QRICH2: variants seen among roughly 807,000 people sequenced by gnomAD.
QRICH2 encodes glutamine-rich protein 2.
In QRICH2, 119 loss-of-function variants were observed where a neutral mutation model predicts 168.3. The ratio of observed to expected loss-of-function variants is 0.71; its 90% CI spans 0.61 to 0.82. The LOEUF is 0.82. QRICH2 is among the 40% of genes least tolerant of loss of function. QRICH2 has a pLI of 0.00. For synonymous variants in QRICH2, 894 were observed against 951.2 expected (o/e 0.94, Z 1.11); for missense variants, 2,241 against 2,491.6 (o/e 0.90, Z 2.14).
At position 76,287,013 on chromosome 17, in the gene QRICH2, G is replaced by A. The variant is rs370601199; in HGVS notation, c.4011+179C>T. Among the ~76,000 whole-genome samples the A allele has an allele frequency of 2.2e-4, 17 of 78,814 alleles. No individual in the cohort carries two copies. The East Asian group carries it at 4.6e-3, about 21-fold the overall frequency. The allele number at this position is 78,814 out of a possible 152,430, so 51.7% of individuals were successfully genotyped here. ...CTGGATCCTGGACACATTCGCCACCGCCCCCCCACCCCCTGCCCACACACC... is the reference window on the plus strand; with the variant it reads ...CTGGATCCTGGACACATTCGCCACCACCCCCCCACCCCCTGCCCACACACC... On this transcript the variant is annotated intron_variant, in intron 7 of 18. Coordinates refer to ENST00000680821, the MANE Select transcript of QRICH2 (RefSeq NM_001388453.1).
chr17:76,274,810 C>A (rs1016328270), intron 18 of QRICH2, among the ~76,000 whole-genome samples: 1 of 152,186 alleles, frequency 6.6e-6, no homozygotes, highest in Non-Finnish European at 1.5e-5. Context: ...GGCTGTGTGA[C>A]CTAGAGCAAG....
Position 76,292,058 on chromosome 17 carries a change from C to G in QRICH2, c.2669G>C (p.Gly890Ala). 6.2e-7 allele frequency: 1 copy of G among 1,614,114 alleles called. No homozygotes were observed. The highest frequency in any genetic ancestry group is 1.1e-5 in the South Asian group (1 of 91,082). ...CTGATCTGCACCAGGTTGGATCAAA[C>G]CACGCTGGTCCATTCCAGGTTGGAC... ...GLVQPGMDQR[G>A]LIQPGADQPG... The change falls in exon 4 of 19, where the codon GGT becomes GCT. Residue 890 changes from glycine to alanine, a missense_variant. This residue lies in a region of QRICH2 where 2,047 missense variants were observed against 2,303.8 expected (regional missense o/e 0.89). Transcript: ENST00000680821.
At chr17:76,310,684 G>A (rs1387598383), upstream of QRICH2, 2 of 151,648 alleles carry the variant, frequency 1.3e-5, no homozygotes, top group African/African-American at 2.4e-5. Flanking sequence ...TCCCAGGCTG[G>A]TCTGAAACTC....
Position 76,291,006 on chromosome 17 carries a change from G to A in QRICH2, c.3712+9C>T, listed in dbSNP as rs77693346. On this transcript the variant is annotated intron_variant, in intron 4 of 18. Transcript: ENST00000680821. Reference sequence around the variant, plus strand: ...AATGGTTTCTCCTCTATCGGCAAGCGGCACCCACCCATCTGTGCCAGCAGG... The same window carrying A: ...AATGGTTTCTCCTCTATCGGCAAGCAGCACCCACCCATCTGTGCCAGCAGG... The A allele has an allele frequency of 0.025, 40,545 of 1,605,468 alleles. 619 individuals carry two copies. Among genetic ancestry groups the A allele is most frequent in the Non-Finnish European group, 0.031 (36,827 of 1,173,640 alleles).
rs758492422 is a variant in QRICH2, at chr17:76,291,800, G to A, written c.2927C>T (p.Ala976Val). 2 of 1,614,188 alleles carry A rather than the reference G, an allele frequency of 1.2e-6. No individual in the cohort carries two copies. The highest frequency in any genetic ancestry group is 2.2e-5 in the South Asian group (2 of 91,082). The part of the protein sequence containing the change: ...MDQYGLRQPG[A>V]YQPGLIAPGT... ...TGGTGCTATCAAGCCTGGCTGATATGCACCAGGTTGTCTCAAACCATACTG... is the reference window on the plus strand; with the variant it reads ...TGGTGCTATCAAGCCTGGCTGATATACACCAGGTTGTCTCAAACCATACTG... Residue 976 changes from alanine to valine, a missense_variant, in exon 4 of 19, where the codon GCA becomes GTA. Transcript: ENST00000680821.
chr17:76,286,708 C>G (rs1448424830), intron 7 of QRICH2, among the ~76,000 whole-genome samples: 2 of 151,808 alleles, frequency 1.3e-5, no homozygotes, highest in African/African-American at 4.8e-5. Flanking sequence ...AACCCCGTCT[C>G]TACTAAAAAT....
In QRICH2 at chr17:76,293,280, G is replaced by C. The variant is rs758508675; in HGVS notation, c.1447C>G (p.Arg483Gly). ...HGMTFPGTDQ[R>G]SMEPLGMDQR... ...TCCATGCCAAGTGGTTCCATACTGC[G>C]TTGGTCTGTGCCAGGAAATGTCATA... Residue 483 changes from arginine to glycine, a missense_variant, in exon 4 of 19, where the codon CGC becomes GGC. Physicochemically the swap from Arg to Gly is moderately radical, Grantham distance 125. Transcript: ENST00000680821. 6.2e-7 allele frequency: 1 copy of C among 1,614,072 alleles called. No individual in the cohort carries two copies. Among genetic ancestry groups the C allele is most frequent in the Non-Finnish European group, 8.5e-7 (1 of 1,180,044 alleles).
rs2071009531 is a variant in QRICH2 at position 76,307,529 on chromosome 17, GC to G, written c.469del (p.Ala157ArgfsTer11). 1 of 1,605,076 alleles carries G rather than the reference GC, an allele frequency of 6.2e-7. No homozygotes were observed. Among genetic ancestry groups the G allele is most frequent in the Non-Finnish European group, 8.5e-7 (1 of 1,176,150 alleles). ...WPEEQEVGVR[A>X]FDRVRTGSIM... ...ACTCCCAGTCCGCACCCTATCGAAC[GC>G]CCGCACGCCCACCTCCTGCTCCTCC... On this transcript the variant is annotated frameshift_variant, in exon 1 of 19. Coordinates refer to ENST00000680821, the MANE Select transcript of QRICH2 (RefSeq NM_001388453.1). LOFTEE classifies it high-confidence loss of function. This position sits in a 1 kb window ranked among gnomAD's most constrained non-coding sequence, Gnocchi z 5.3.
At position 76,277,217 on chromosome 17, in the gene QRICH2, C is replaced by CGG. The variant is rs1568103329; in HGVS notation, c.5209_5210dup (p.Gln1738ArgfsTer18). The CGG allele has an allele frequency of 6.2e-7, 1 of 1,603,054 alleles. No individual in the cohort carries two copies. The highest frequency in any genetic ancestry group is 2.3e-5 in the East Asian group (1 of 43,886). The stretch of plus-strand genomic sequence containing the variant: ...GATACAGGCCCCGGGGAAGGTGCTG[C>CGG]GGGCGGCTGCGGTGGTAGGGGTAGG... On this transcript the variant is annotated frameshift_variant, in exon 16 of 19. Coordinates refer to ENST00000680821, the MANE Select transcript of QRICH2 (RefSeq NM_001388453.1). LOFTEE classifies it high-confidence loss of function.
At position 76,291,859 on chromosome 17, in the gene QRICH2, T is replaced by C. The variant is rs1381545119; in HGVS notation, c.2868A>G (p.Thr956=). Residue 956 remains threonine, a synonymous_variant, in exon 4 of 19, where the codon ACA becomes ACG. Coordinates refer to ENST00000680821, the MANE Select transcript of QRICH2 (RefSeq NM_001388453.1). ...CTGGCTGCACCAGACCACGTGGATA[T>C]GTCCCAGATTGAGATAAATCATGCA... is the stretch of plus-strand genomic sequence containing the variant. The part of the protein sequence containing the change: ...AYLHDLSQSG[T]YPRGLVQPGM... 7.4e-6 allele frequency: 12 copies of C among 1,613,984 alleles called. No homozygotes were observed. The highest frequency in any genetic ancestry group is 1.0e-5 in the Non-Finnish European group (12 of 1,180,024).
intron 12 of QRICH2, 66 bp from the exon 13 acceptor site, chr17:76,279,494 C>A: frequency 7.7e-7 from 1 of 1,298,968 alleles, no homozygotes; most frequent in Non-Finnish European, 1.1e-6. Flanking sequence ...GGGCTTGGGG[C>A]TCTGCAGGCC....
Position 76,276,723 on chromosome 17 carries a change from C to T in QRICH2, c.5310G>A (p.Lys1770=). ...CTGGCAGCCTTGTGTCCATCCGTCC[C>T]TTGTAAATGTGGCCATCCAGGCCCA... ...DILGLDGHIY[K]GRMDTRLPGI... is the part of the protein sequence containing the mutation. The change falls in exon 17 of 19, where the codon AAG becomes AAA. Residue 1770 remains lysine, a synonymous_variant. Coordinates refer to ENST00000680821, the MANE Select transcript of QRICH2 (RefSeq NM_001388453.1). The T allele has an allele frequency of 6.2e-7, 1 of 1,613,806 alleles. No individual in the cohort carries two copies. The highest frequency in any genetic ancestry group is 2.2e-5 in the East Asian group (1 of 44,882).
chr17:76,308,370 A>G (rs1224922714), upstream of QRICH2: 4 of 985,444 alleles, frequency 4.1e-6, no homozygotes, highest in Non-Finnish European at 4.8e-6. Context: ...GGCCACCACA[A>G]GGATCACAAG....
chr17:76,278,154 A>C lies in QRICH2; in HGVS notation c.4952T>G (p.Leu1651Arg). ...KLGSAFPRGD[L>R]AQMEQSVGRL... Reference sequence around the variant, plus strand: ...CCCCACGCTCTGCTCCATCTGCGCCAGGTCACCCCGAGGGAAGGCGCTGCC... The same window carrying C: ...CCCCACGCTCTGCTCCATCTGCGCCCGGTCACCCCGAGGGAAGGCGCTGCC... Residue 1651 changes from leucine (L) to arginine (R), a missense_variant, in exon 15 of 19, where the codon CTG (leucine) becomes CGG (arginine). By Grantham distance (102) the Leu-to-Arg change is moderately radical. Coordinates refer to ENST00000680821, the MANE Select transcript of QRICH2 (RefSeq NM_001388453.1). 4 of 1,610,824 alleles carry C rather than the reference A, an allele frequency of 2.5e-6. No individual in the cohort carries two copies. In the African/African-American group the frequency reaches 5.3e-5, roughly 21 times the overall value.
intron 3 of QRICH2, chr17:76,301,394 C>T (rs566837712): frequency 1.6e-4 from 36 of 223,648 alleles, no homozygotes; most frequent in Non-Finnish European, 2.8e-4. Flanking sequence ...ATGACAACAC[C>T]TTGTCTCTAC....
chr17:76,287,386 G>T, intron 6 of QRICH2, 80 bp from the exon 7 acceptor site: 1 of 992,714 alleles, frequency 1.0e-6, no homozygotes, highest in Non-Finnish European at 1.6e-6. Flanking sequence ...GGGACGCAGG[G>T]GGATGCAGAC....
chr17:76,275,558 G>C (rs2070659773), intron 18 of QRICH2, among the ~76,000 whole-genome samples: 1 of 152,246 alleles, frequency 6.6e-6, no homozygotes, highest in Non-Finnish European at 1.5e-5. Context: ...CAAGGGCATG[G>C]ACCTGGAGCC....
At chr17:76,287,426 C>T (rs74413918) in intron 6 of QRICH2, 120 bp from the exon 7 acceptor site, 2 of 731,562 alleles carry the variant, frequency 2.7e-6, no homozygotes, top group East Asian at 2.7e-5. Flanking sequence ...CCTCCACCCC[C>T]CTCCAATGGA....
At chr17:76,290,223 G>T in intron 4 of QRICH2, 146 bp from the exon 5 acceptor site, 2 of 545,704 alleles carry the variant, frequency 3.7e-6, no homozygotes, top group Admixed American at 6.0e-5. Flanking sequence ...GACTGGGAAA[G>T]GGAGGTGGGA....
Sources: gnomAD v4.1 joint callset for allele counts (sites outside exome capture counted in the v4.1 genomes callset) on GRCh38, gnomAD v4.1.1 for gene constraint, gnomAD v4.1.1 regional missense constraint, Gnocchi (gnomAD v3.1) non-coding constraint, MANE v1.5 for transcripts, NCBI Gene and HGNC (gene_info 2026-07-23, HGNC 2026-07-21) for gene names.